Variants in KDM3B observed in about 807,000 individuals in gnomAD.
KDM3B encodes the protein lysine-specific demethylase 3B.
Under a neutral mutation model 170.0 loss-of-function variants are expected in KDM3B, and 10 were observed. The ratio of observed to expected loss-of-function variants is 0.06; its 90% CI spans 0.04 to 0.10. The LOEUF (loss-of-function observed/expected upper bound fraction) is 0.10, where lower values mean the gene tolerates loss of function less well. KDM3B is among the 10% of genes least tolerant of loss of function. KDM3B has a pLI of 1.00. For synonymous variants in KDM3B, 831 were observed against 834.8 expected, an observed-to-expected ratio of 1.00 and a Z score of 0.08; for missense variants, 1,394 against 2,195.2, an observed-to-expected ratio of 0.64 and a Z score of 7.29.
At position 138,381,429 on chromosome 5, in the gene KDM3B, TAA is replaced by T. The variant is rs149039827; in HGVS notation, c.706-85_706-84del. 3.6e-3 allele frequency: 3,088 copies of T among 854,616 alleles called. 55 individuals carry two copies. The African/African-American group carries it at 0.043, about 12-fold the overall frequency. 52.9% of individuals were successfully genotyped at this position (854,616 alleles called of 1,614,324 possible). The stretch of plus-strand genomic sequence containing the variant: ...CATTCTAGTAGGTGAGTTGAATCAA[TAA>T]AGAGATAATTACATTGATTAGGAAA... On this transcript the variant is annotated intron_variant, in intron 5 of 23. Transcript: ENST00000314358.
chr5:138,419,668 A>AAAAAATATAT (rs1408643891), intron 14 of KDM3B, among the ~76,000 whole-genome samples: 1 of 109,230 alleles, frequency 9.2e-6, no homozygotes, highest in African/African-American at 3.7e-5. Context: ...AAAAAAAAAA[A>AAAAAATATAT]ATATATATAT....
chr5:138,404,993 A>T (rs538069930), intron 11 of KDM3B, among the ~76,000 whole-genome samples: 1 of 151,538 alleles, frequency 6.6e-6, no homozygotes, highest in South Asian at 2.1e-4. Context: ...TGCCCATCTC[A>T]GCCTCCCAAA....
In KDM3B at chr5:138,387,909, A is replaced by G. The variant is rs372281054; in HGVS notation, c.1380+1288A>G. ...ATCCTGGCTAACACGGTGAAACCCC[A>G]TCTCTACTAAAAATACAAAAAATTA... On this transcript the variant is annotated intron_variant, in intron 7 of 23. Coordinates refer to ENST00000314358, the MANE Select transcript of KDM3B (RefSeq NM_016604.4). 4.2e-3 allele frequency among the ~76,000 whole-genome samples: 641 copies of G among 151,452 alleles called. 2 individuals carry two copies. Among genetic ancestry groups the G allele is most frequent in the East Asian group, 0.011 (58 of 5,090 alleles).
chr5:138,387,830 C>A (rs1762312723), intron 7 of KDM3B, among the ~76,000 whole-genome samples: 1 of 152,144 alleles, frequency 6.6e-6, no homozygotes, highest in African/African-American at 2.4e-5. Flanking sequence ...ACCTGTAATC[C>A]CAGCACTTTG....
chr5:138,362,586 A>AC (rs774620962), intron 1 of KDM3B, among the ~76,000 whole-genome samples: 29,274 of 80,078 alleles, frequency 0.37, 3,393 homozygotes, highest in East Asian at 0.61. Context: ...ACACACACAC[A>AC]AAATATCTTA....
rs546145268 is a variant in KDM3B at position 138,378,806 on chromosome 5, T to G, written c.581-778T>G. Among the ~76,000 whole-genome samples, 12 of 149,036 alleles carry G rather than the reference T, an allele frequency of 8.1e-5. 1 individual carries two copies. In the East Asian group the frequency reaches 2.1e-3, roughly 27 times the overall value. On this transcript the variant is annotated intron_variant, in intron 4 of 23. Transcript: ENST00000314358. ...TATATAGATTATATATATCATGATATATATATATAGATATATATAGATATA... is the reference window on the plus strand; with the variant it reads ...TATATAGATTATATATATCATGATAGATATATATAGATATATATAGATATA...
At chr5:138,403,693 G>T (rs1337549842) in intron 11 of KDM3B, among the ~76,000 whole-genome samples, 3 of 119,126 alleles carry the variant, frequency 2.5e-5, no homozygotes, top group African/African-American at 9.2e-5. Context: ...AAAAAAAAAA[G>T]AATAGAAAAG....
chr5:138,420,909 A>C lies in KDM3B; in HGVS notation c.3919A>C (p.Thr1307Pro). 2 of 1,613,646 alleles carry C rather than the reference A, an allele frequency of 1.2e-6. No homozygotes were observed. Among genetic ancestry groups the C allele is most frequent in the South Asian group, 2.2e-5 (2 of 91,042 alleles). ...LHSGPGKLPQ[T>P]PLDTGIPFPP... ...CTCCGGGCCGGGAAAACTTCCTCAA[A>C]CCCCCTTGGACACAGGCATACCCTT... Residue 1307 changes from threonine (T) to proline (P), a missense_variant, in exon 15 of 24, where the codon ACC (threonine) becomes CCC (proline). Physicochemically the swap from Thr to Pro is conservative, Grantham distance 38. Transcript: ENST00000314358.
chr5:138,409,341 A>G (rs1056017780), intron 11 of KDM3B, among the ~76,000 whole-genome samples: 1 of 152,270 alleles, frequency 6.6e-6, no homozygotes, highest in Admixed American at 6.5e-5. Context: ...AGTTTTTTCA[A>G]TATTACATGA....
chr5:138,410,735 G>A (rs1444437945), intron 11 of KDM3B, among the ~76,000 whole-genome samples: 1 of 152,232 alleles, frequency 6.6e-6, no homozygotes, highest in Non-Finnish European at 1.5e-5. Flanking sequence ...CATCTCCAAT[G>A]ATAGGTAAGG....
chr5:138,357,155 T>C (rs1761471972), intron 1 of KDM3B, among the ~76,000 whole-genome samples: 3 of 151,832 alleles, frequency 2.0e-5, no homozygotes. Flanking sequence ...CCTGGCTAGT[T>C]TTTGTATTTG....
chr5:138,390,608 A>T lies in KDM3B; in HGVS notation c.1381-405A>T, dbSNP rs571786234. Among the ~76,000 whole-genome samples, 4 of 152,338 alleles carry T rather than the reference A, an allele frequency of 2.6e-5. No homozygotes were observed. The South Asian group carries it at 8.3e-4, about 32-fold the overall frequency. On this transcript the variant is annotated intron_variant, in intron 7 of 23. Transcript: ENST00000314358. ...AACAATAGCTCCCAAGGTCATTGAGATATATTAATATTACAGGGGTCACTG... is the reference window on the plus strand; with the variant it reads ...AACAATAGCTCCCAAGGTCATTGAGTTATATTAATATTACAGGGGTCACTG...
At chr5:138,393,793 G>C (rs911870232) in intron 9 of KDM3B, among the ~76,000 whole-genome samples, 1 of 152,132 alleles carries the variant, frequency 6.6e-6, no homozygotes, top group Admixed American at 6.5e-5. Context: ...AAGCATCTTT[G>C]AAATAGATAT....
intron 1 of KDM3B, among the ~76,000 whole-genome samples, chr5:138,368,965 C>T (rs1226388957): frequency 6.6e-6 from 1 of 152,144 alleles, no homozygotes; most frequent in Non-Finnish European, 1.5e-5. Flanking sequence ...ATCATTACAG[C>T]TTTAGCCCAG....
chr5:138,415,297 T>A, intron 12 of KDM3B, 58 bp downstream of exon 12: 1 of 1,097,894 alleles, frequency 9.1e-7, no homozygotes, highest in Non-Finnish European at 1.3e-6. Context: ...GAGATAGCCA[T>A]ACACCATAAA....
At chr5:138,420,653 G>A (rs1465453093) in intron 14 of KDM3B, 53 bp from the exon 15 acceptor site, 1 of 1,595,304 alleles carries the variant, frequency 6.3e-7, no homozygotes, top group African/African-American at 1.3e-5. Context: ...AGTCAGTTGT[G>A]TGCTGATTAT....
intron 22 of KDM3B, 102 bp downstream of exon 22, chr5:138,430,527 G>T: frequency 9.6e-7 from 1 of 1,037,944 alleles, no homozygotes; most frequent in Middle Eastern, 2.8e-4. Context: ...GGATTGGACT[G>T]ATCTCTCTTA....
In KDM3B at chr5:138,391,605, G is replaced by T; in HGVS notation, c.1973G>T (p.Gly658Val). The change falls in exon 8 of 24, where the codon GGT becomes GTT. Residue 658 changes from glycine (G) to valine (V), a missense_variant. Physicochemically the swap from Gly to Val is moderately radical, Grantham distance 109. Coordinates refer to ENST00000314358, the MANE Select transcript of KDM3B (RefSeq NM_016604.4). This position sits in a 1 kb window ranked among gnomAD's most constrained non-coding sequence, Gnocchi z 5.0. ...PFSSFASQAS[G>V]SSSSATTVTS... ...AGTAGTTTTGCATCTCAGGCATCAG[G>T]TAGCTCCTCTTCTGCTACCACTGTC... is the stretch of plus-strand genomic sequence containing the variant. 1 of 1,614,118 alleles carries T rather than the reference G, an allele frequency of 6.2e-7. No homozygotes were observed. Among genetic ancestry groups the T allele is most frequent in the Admixed American group, 1.7e-5 (1 of 60,016 alleles).
At chr5:138,360,670 C>T (rs1198182580) in intron 1 of KDM3B, among the ~76,000 whole-genome samples, 1 of 149,890 alleles carries the variant, frequency 6.7e-6, no homozygotes, top group African/African-American at 2.5e-5. Flanking sequence ...CTCCCGGGTT[C>T]AAGTGATTCT....
Sources: allele counts gnomAD v4.1 joint callset (sites outside exome capture counted in the v4.1 genomes callset), GRCh38; gene constraint gnomAD v4.1.1; non-coding constraint Gnocchi (gnomAD v3.1); transcripts MANE v1.5; gene names NCBI Gene and HGNC (gene_info 2026-07-23, HGNC 2026-07-21).